The following SLC41A3 variants were observed in gnomAD, a reference collection of about 807,000 sequenced individuals.
The protein encoded by SLC41A3 is SLC41A1-like 2.
SLC41A3 carries 44 observed loss-of-function variants against 45.4 expected under a neutral mutation model. The ratio of observed to expected loss-of-function variants is 0.97; its 90% CI spans 0.76 to 1.25. The LOEUF (loss-of-function observed/expected upper bound fraction) is 1.25. SLC41A3 is among the 50% of genes most tolerant of loss of function. The pLI, the probability that SLC41A3 is intolerant of heterozygous loss-of-function variation, is 0.00. For synonymous variants in SLC41A3, 256 were observed against 252.4 expected (o/e 1.01, Z -0.13); for missense variants, 550 against 600.6 (o/e 0.92, Z 0.88).
At chr3:126,030,310 A>G (rs1270013879) in intron 4 of SLC41A3, among the ~76,000 whole-genome samples, 2 of 148,818 alleles carry the variant, frequency 1.3e-5, no homozygotes, top group East Asian at 3.9e-4. Context: ...ACATATATAC[A>G]CAAGTCCATT....
chr3:126,036,319 C>T (rs1400514176), intron 3 of SLC41A3, among the ~76,000 whole-genome samples: 2 of 152,230 alleles, frequency 1.3e-5, no homozygotes, highest in Non-Finnish European at 2.9e-5. Context: ...GCTCAACACA[C>T]CCCCCTTGCC....
chr3:126,034,499 G>A (rs890484934), intron 3 of SLC41A3, among the ~76,000 whole-genome samples: 12 of 152,212 alleles, frequency 7.9e-5, no homozygotes, highest in Non-Finnish European at 1.6e-4. Flanking sequence ...GAGAAGGGGA[G>A]CCTTTTTGTC....
rs56806357 is a variant in SLC41A3 at position 126,063,949 on chromosome 3, A to ACCCCCCCC, written c.273+3990_273+3997dup. Among the ~76,000 whole-genome samples the ACCCCCCCC allele has an allele frequency of 6.2e-3, 621 of 100,618 alleles. 20 individuals carry two copies. Among genetic ancestry groups the ACCCCCCCC allele is most frequent in the Middle Eastern group, 0.01 (2 of 192 alleles). 66.0% of individuals were successfully genotyped at this position (100,618 alleles called of 152,430 possible). On this transcript the variant is annotated intron_variant, in intron 2 of 10. Transcript: ENST00000360370. Reference sequence around the variant, plus strand: ...ACAGGCACTGATTAAGCCAGATCCAACCCCCCCCCGGGGACACACACTCCC... The same window carrying ACCCCCCCC: ...ACAGGCACTGATTAAGCCAGATCCAACCCCCCCCCCCCCCCCCGGGGACACACACTCCC...
chr3:126,009,125 G>C (rs1048612242), intron 9 of SLC41A3, among the ~76,000 whole-genome samples: 3 of 152,170 alleles, frequency 2.0e-5, no homozygotes, highest in African/African-American at 7.2e-5. Flanking sequence ...AGCAAGAAAG[G>C]CTATTTCAAA....
intron 2 of SLC41A3, among the ~76,000 whole-genome samples, chr3:126,052,674 A>G (rs1276974732): frequency 6.6e-6 from 1 of 151,978 alleles, no homozygotes. Context: ...CGGATAAAGC[A>G]CCTGCTGACA....
At chr3:126,051,536 AC>A (rs5852462) in intron 2 of SLC41A3, among the ~76,000 whole-genome samples, 47,192 of 152,082 alleles carry the variant, frequency 0.31, 7,577 homozygotes, top group Middle Eastern at 0.43. Flanking sequence ...GCCACTGAGC[AC>A]CCTGTGGGGC....
At chr3:126,008,460 T>TG (rs1939357009) in intron 10 of SLC41A3, among the ~76,000 whole-genome samples, 1 of 151,000 alleles carries the variant, frequency 6.6e-6, no homozygotes, top group South Asian at 2.1e-4. Context: ...GTGGAGTGTG[T>TG]GGGGTACAGT....
intron 9 of SLC41A3, 41 bp from the exon 10 acceptor site, chr3:126,008,921 G>C (rs769201887): frequency 6.2e-7 from 1 of 1,606,664 alleles, no homozygotes; most frequent in Non-Finnish European, 8.5e-7. Context: ...GACCTGAAGC[G>C]AGGCCACTTT....
upstream of SLC41A3, among the ~76,000 whole-genome samples, chr3:126,087,012 A>G (rs568486936): frequency 3.3e-5 from 5 of 152,268 alleles, no homozygotes; most frequent in East Asian, 9.6e-4. Flanking sequence ...TGGTAAAAAA[A>G]ATTAAAATGT....
At position 126,006,881 on chromosome 3, in the gene SLC41A3, T is replaced by C; in HGVS notation, c.*135A>G. ...AGAGCCGAGGTGTGTGAGAGCTACC[T>C]TAGCAGACTCACAAAAGGCTACTGC... is the stretch of plus-strand genomic sequence containing the variant. On this transcript the variant is annotated 3_prime_UTR_variant, in exon 11 of 11. Coordinates refer to ENST00000360370, the MANE Select transcript of SLC41A3 (RefSeq NM_017836.4). The C allele has an allele frequency of 1.3e-6, 2 of 1,526,732 alleles. No individual in the cohort carries two copies. Among genetic ancestry groups the C allele is most frequent in the Non-Finnish European group, 8.8e-7 (1 of 1,141,568 alleles). 94.6% of individuals were successfully genotyped at this position (1,526,732 alleles called of 1,614,324 possible). A position where few individuals can be genotyped will look rare whatever the true frequency, so the allele number is the denominator to read the frequency against.
At chr3:126,084,418 T>C (rs1441960640), upstream of SLC41A3, 1 of 152,188 alleles carries the variant, frequency 6.6e-6, no homozygotes, top group Non-Finnish European at 1.5e-5. Context: ...CCTATGCGGC[T>C]GCAGGTTTTA....
intron 6 of SLC41A3, 145 bp from the exon 7 acceptor site, chr3:126,017,020 G>T: frequency 2.0e-6 from 2 of 1,017,070 alleles, no homozygotes; most frequent in Non-Finnish European, 1.4e-6. Context: ...ACTTTTCACA[G>T]AACTTTCACC....
At chr3:126,040,541 G>A (rs560793017) in intron 3 of SLC41A3, among the ~76,000 whole-genome samples, 2 of 152,304 alleles carry the variant, frequency 1.3e-5, no homozygotes, top group East Asian at 3.9e-4. Context: ...AGATACCTCT[G>A]CAGGAGCTTC....
In SLC41A3 at chr3:126,026,249, C is replaced by A; in HGVS notation, c.598+86G>T. The stretch of plus-strand genomic sequence containing the variant: ...CCATTAGCAGTGGGACTCACACCCC[C>A]AGAAACTGAAAACACAATGAGCTCT... On this transcript the variant is annotated intron_variant, in intron 5 of 10. Transcript: ENST00000360370. The surrounding 1 kb of genome is among the most constrained non-coding windows in gnomAD (Gnocchi z 4.2). 1.3e-6 allele frequency: 2 copies of A among 1,512,744 alleles called. No homozygotes were observed. Among genetic ancestry groups the A allele is most frequent in the Middle Eastern group, 1.8e-4 (1 of 5,634 alleles). The allele number at this position is 1,512,744 out of a possible 1,614,324, so 93.7% of individuals were successfully genotyped here. A position where few individuals can be genotyped will look rare whatever the true frequency, so the allele number is the denominator to read the frequency against.
chr3:126,009,439 G>C (rs1186271174), intron 9 of SLC41A3, among the ~76,000 whole-genome samples: 1 of 152,194 alleles, frequency 6.6e-6, no homozygotes, highest in East Asian at 1.9e-4. Context: ...CAATGTGCCA[G>C]TGAGCCCTGG....
At position 126,006,854 on chromosome 3, in the gene SLC41A3, C is replaced by T; in HGVS notation, c.*162G>A. 4 of 1,475,702 alleles carry T rather than the reference C, an allele frequency of 2.7e-6. No homozygotes were observed. In the South Asian group the frequency reaches 4.2e-5, roughly 16 times the overall value. The allele number at this position is 1,475,702 out of a possible 1,614,324, so 91.4% of individuals were successfully genotyped here. A position where few individuals can be genotyped will look rare whatever the true frequency, so the allele number is the denominator to read the frequency against. On this transcript the variant is annotated 3_prime_UTR_variant, in exon 11 of 11. Transcript: ENST00000360370. ...TCTATTGCAGGCTCAGGTATCAACCCCAGAGCCGAGGTGTGTGAGAGCTAC... is the reference window on the plus strand; with the variant it reads ...TCTATTGCAGGCTCAGGTATCAACCTCAGAGCCGAGGTGTGTGAGAGCTAC...
intron 2 of SLC41A3, 70 bp downstream of exon 2, chr3:126,067,877 T>C (rs1944429688): frequency 2.0e-6 from 3 of 1,492,142 alleles, no homozygotes; most frequent in Non-Finnish European, 8.9e-7. Context: ...CAACCTTACA[T>C]GCAGCTGCCT....
chr3:126,050,849 T>C (rs1943279835), intron 3 of SLC41A3, 94 bp downstream of exon 3: 1 of 1,467,254 alleles, frequency 6.8e-7, no homozygotes, highest in Non-Finnish European at 9.1e-7. Flanking sequence ...TTTTGGAGAA[T>C]CCAACCCACC....
intron 3 of SLC41A3, among the ~76,000 whole-genome samples, chr3:126,038,074 G>A (rs1213631681): frequency 6.6e-6 from 1 of 152,244 alleles, no homozygotes; most frequent in East Asian, 1.9e-4. Flanking sequence ...AAGTCTGTCA[G>A]TGCATGGAAT....
Sources: allele counts gnomAD v4.1 joint callset (sites outside exome capture counted in the v4.1 genomes callset), GRCh38; gene constraint gnomAD v4.1.1; non-coding constraint Gnocchi (gnomAD v3.1); transcripts MANE v1.5; gene names NCBI Gene and HGNC (gene_info 2026-07-23, HGNC 2026-07-21).